Variants in STAU1 observed in about 807,000 individuals in gnomAD.
The protein encoded by STAU1 is double-stranded RNA-binding protein Staufen homolog 1.
In STAU1, 13 loss-of-function variants were observed where a neutral mutation model predicts 62.9. The ratio of observed to expected loss-of-function variants is 0.21; its 90% confidence interval spans 0.13 to 0.33. STAU1 has a LOEUF of 0.33. Among genes scored for constraint, STAU1 ranks in the 10% least tolerant of loss-of-function variants. The pLI is 1.00. For missense variants in STAU1, 571 were observed against 712.1 expected (o/e 0.80, Z 2.25); for synonymous variants, 269 against 265.1 (o/e 1.01, Z -0.14).
At position 49,124,514 on chromosome 20, in the gene STAU1, T is replaced by A. The variant is rs1236455239; in HGVS notation, c.683A>T (p.Glu228Val). The A allele has an allele frequency of 6.2e-7, 1 of 1,613,962 alleles. No individual in the cohort carries two copies. The highest frequency in any genetic ancestry group is 1.7e-5 in the Admixed American group (1 of 59,974). Reference protein sequence around the residue: ...TKVSVGEFVGEGEGKSKKISK... With the variant: ...TKVSVGEFVGVGEGKSKKISK... ...AATCTTCTTGCTTTTCCCTTCACCT[T>A]CCCCCACAAACTCCCCAACCGAAAC... Residue 228 changes from glutamate (E) to valine (V), a missense_variant, in exon 7 of 14, where the codon GAA (glutamate) becomes GTA (valine). Physicochemically the swap from Glu to Val is moderately radical, Grantham distance 121. Coordinates refer to ENST00000371856, the MANE Select transcript of STAU1 (RefSeq NM_017453.4).
At chr20:49,204,646 A>ATTTT in the STAU1 span, among the ~76,000 whole-genome samples, 2 of 32,164 alleles carry the variant, frequency 6.2e-5, no homozygotes, top group Non-Finnish European at 1.0e-4. Flanking sequence ...ATATATATAT[A>ATTTT]TTTTTTTTTT....
At position 49,113,877 on chromosome 20, in the gene STAU1, A is replaced by T. The variant is rs1290054465; in HGVS notation, c.*1001T>A. 3 of 152,664 alleles carry T rather than the reference A, an allele frequency of 2.0e-5. No individual in the cohort carries two copies. The highest frequency in any genetic ancestry group is 7.2e-5 in the African/African-American group (3 of 41,456). 9.5% of individuals were successfully genotyped at this position (152,664 alleles called of 1,614,324 possible). ...GTCCTCAAGAGCCATATGTATAGAT[A>T]CACAATGTTTTTTAATAATCTTTAA... On this transcript the variant is annotated 3_prime_UTR_variant, in exon 14 of 14. Transcript: ENST00000371856.
chr20:49,152,953 T>TA (rs1405473702), intron 4 of STAU1, among the ~76,000 whole-genome samples: 1 of 151,916 alleles, frequency 6.6e-6, no homozygotes, highest in Non-Finnish European at 1.5e-5. Context: ...GAGCAGTAGT[T>TA]AAAGAAGCAC....
the STAU1 span, among the ~76,000 whole-genome samples, chr20:49,219,013 C>CAAAA: frequency 9.4e-5 from 5 of 53,134 alleles, no homozygotes; most frequent in African/African-American, 3.6e-4. Context: ...AACCCTGCCT[C>CAAAA]AAAAAAAAAA....
intron 2 of STAU1, among the ~76,000 whole-genome samples, chr20:49,171,597 A>G (rs1197972504): frequency 6.6e-6 from 1 of 152,058 alleles, no homozygotes; most frequent in Non-Finnish European, 1.5e-5. Flanking sequence ...TATACCAGTT[A>G]TTTCTAAGAT....
In STAU1 at chr20:49,129,383, G is replaced by A. The variant is rs1008105772; in HGVS notation, c.610-4796C>T. ...GCTCACTGCAACCTCTGCCTCCTGGGTTCAAGCGTTTCTCCTCCCTCAGCC... is the reference window on the plus strand; with the variant it reads ...GCTCACTGCAACCTCTGCCTCCTGGATTCAAGCGTTTCTCCTCCCTCAGCC... On this transcript the variant is annotated intron_variant, in intron 6 of 13. Transcript: ENST00000371856. Among the ~76,000 whole-genome samples, 55 of 146,540 alleles carry A rather than the reference G, an allele frequency of 3.8e-4. 1 individual carries two copies. Among genetic ancestry groups the A allele is most frequent in the African/African-American group, 1.4e-3 (53 of 38,086 alleles).
At chr20:49,195,808 CAGG>C in the STAU1 span, among the ~76,000 whole-genome samples, 2 of 139,882 alleles carry the variant, frequency 1.4e-5, no homozygotes, top group Non-Finnish European at 3.0e-5. Context: ...GAGGCTGAGG[CAGG>C]AGAATTGCTT....
chr20:49,161,683 A>G (rs952600286), intron 3 of STAU1, among the ~76,000 whole-genome samples: 2 of 152,200 alleles, frequency 1.3e-5, no homozygotes, highest in African/African-American at 4.8e-5. Context: ...GCCACATGAG[A>G]AGGAAGTGAA....
intron 3 of STAU1, among the ~76,000 whole-genome samples, chr20:49,154,797 C>T (rs985603433): frequency 6.6e-6 from 1 of 151,296 alleles, no homozygotes; most frequent in South Asian, 2.1e-4. Context: ...ACCTGGGAGG[C>T]GGACCTTGCA....
chr20:49,169,486 A>G (rs962763324), intron 2 of STAU1, among the ~76,000 whole-genome samples: 5 of 152,218 alleles, frequency 3.3e-5, no homozygotes, highest in African/African-American at 1.2e-4. Flanking sequence ...ACTGTCCTGA[A>G]GACTAAGTCC....
chr20:49,116,709 C>G (rs2092334458), intron 12 of STAU1, among the ~76,000 whole-genome samples: 1 of 152,272 alleles, frequency 6.6e-6, no homozygotes, highest in African/African-American at 2.4e-5. Context: ...ATTTGTTGAT[C>G]TGATCAATTC....
intron 6 of STAU1, among the ~76,000 whole-genome samples, chr20:49,129,256 C>T (rs1044557341): frequency 6.7e-6 from 1 of 149,744 alleles, no homozygotes. Flanking sequence ...TACTGACTAC[C>T]TGCTAGAATG....
chr20:49,171,757 G>A (rs1392403481), intron 2 of STAU1, among the ~76,000 whole-genome samples: 3 of 152,028 alleles, frequency 2.0e-5, no homozygotes, highest in African/African-American at 4.8e-5. Flanking sequence ...CAGGGCAGAC[G>A]CTAGTACAGA....
chr20:49,170,857 A>G (rs1486310416), intron 2 of STAU1, among the ~76,000 whole-genome samples: 1 of 152,066 alleles, frequency 6.6e-6, no homozygotes, highest in Non-Finnish European at 1.5e-5. Flanking sequence ...ATCATCACAA[A>G]CATTTCACTA....
chr20:49,196,794 A>C, the STAU1 span, among the ~76,000 whole-genome samples: 1 of 151,352 alleles, frequency 6.6e-6, no homozygotes, highest in Non-Finnish European at 1.5e-5. Context: ...GAAAAAAAAA[A>C]AAAAGAAACA....
the STAU1 span, among the ~76,000 whole-genome samples, chr20:49,209,298 G>C: frequency 2.6e-5 from 4 of 151,544 alleles, no homozygotes; most frequent in African/African-American, 7.3e-5. Context: ...TTTCATTCAA[G>C]GTATGGGGAA....
At chr20:49,143,674 C>T (rs189820148) in intron 5 of STAU1, among the ~76,000 whole-genome samples, 16 of 152,310 alleles carry the variant, frequency 1.1e-4, no homozygotes, top group Middle Eastern at 6.8e-3. Context: ...AATTAGCCAT[C>T]ACCATTTATT....
At chr20:49,213,067 A>G in the STAU1 span, among the ~76,000 whole-genome samples, 1 of 152,038 alleles carries the variant, frequency 6.6e-6, no homozygotes, top group East Asian at 1.9e-4. Context: ...GTGCAGTGGC[A>G]TGATCCTGGT....
intron 12 of STAU1, among the ~76,000 whole-genome samples, 178 bp from the exon 13 acceptor site, chr20:49,116,045 T>A (rs376181671): frequency 1.3e-5 from 2 of 152,374 alleles, no homozygotes; most frequent in Admixed American, 1.3e-4. Flanking sequence ...TTAAAAAATA[T>A]TCAGTTACCT....
Sources: allele counts gnomAD v4.1 joint callset (sites outside exome capture counted in the v4.1 genomes callset), GRCh38; gene constraint gnomAD v4.1.1; transcripts MANE v1.5; gene names NCBI Gene and HGNC (gene_info 2026-07-23, HGNC 2026-07-21).